The following PSMG2 variants were observed in gnomAD, a reference collection of about 807,000 sequenced individuals.
The protein encoded by PSMG2 is proteasome assembly chaperone 2, also known as CD40 ligand-activated specific transcript 3.
PSMG2 carries 21 observed loss-of-function variants against 31.5 expected under a neutral mutation model. The observed-to-expected ratio is 0.67, with a 90% CI of 0.47 to 0.96. The LOEUF (loss-of-function observed/expected upper bound fraction) is 0.96. Among genes scored for constraint, PSMG2 ranks in the 40% least tolerant of loss-of-function variants. PSMG2 has a pLI of 0.00. For synonymous variants in PSMG2, 120 were observed against 110.4 expected (o/e 1.09, Z -0.54); for missense variants, 318 against 321.2 (o/e 0.99, Z 0.08).
Position 12,669,342 on chromosome 18 carries a change from C to T in PSMG2, c.-37+10569C>T, listed in dbSNP as rs185088696. Reference sequence around the variant, plus strand: ...GGTCAGGCTGGTCTCGAACTCCTGACCTCAGGTGATCCGCCCGCCTTGGCC... The same window carrying T: ...GGTCAGGCTGGTCTCGAACTCCTGATCTCAGGTGATCCGCCCGCCTTGGCC... On this transcript the variant is annotated intron_variant, in intron 1 of 6. Coordinates refer to the PSMG2 transcript ENST00000585331. Among the ~76,000 whole-genome samples, 700 of 152,010 alleles carry T rather than the reference C, an allele frequency of 4.6e-3. 5 individuals carry two copies. The highest frequency in any genetic ancestry group is 0.016 in the African/African-American group (662 of 41,486).
upstream of PSMG2, chr18:12,702,497 G>A: frequency 6.2e-7 from 1 of 1,609,682 alleles, no homozygotes; most frequent in Non-Finnish European, 8.5e-7. Context: ...TTGCTCAGCT[G>A]CTGGTGGATG....
chr18:12,692,350 A>G (rs1035590931), intron 1 of PSMG2: 1 of 151,740 alleles, frequency 6.6e-6, no homozygotes, highest in Admixed American at 6.6e-5. Context: ...TTCTCTTGTT[A>G]AAACACTTCA....
intron 1 of PSMG2, among the ~76,000 whole-genome samples, chr18:12,705,570 AGAGAGAGT>A (rs1338907626): frequency 6.3e-4 from 79 of 126,322 alleles, no homozygotes; most frequent in Non-Finnish European, 8.1e-4. Flanking sequence ...AGAGAGAGAG[AGAGAGAGT>A]GTGTGTGTGT....
chr18:12,695,861 C>A (rs908346410), intron 1 of PSMG2, among the ~76,000 whole-genome samples: 9 of 147,774 alleles, frequency 6.1e-5, no homozygotes, highest in Non-Finnish European at 8.9e-5. Flanking sequence ...TCCACACACA[C>A]ACACACACAC....
chr18:12,705,186 TC>T (rs923068322), intron 1 of PSMG2, among the ~76,000 whole-genome samples: 6 of 152,160 alleles, frequency 3.9e-5, no homozygotes, highest in African/African-American at 1.4e-4. Context: ...TGCCTCTGCC[TC>T]CCGAGTAGCT....
At chr18:12,699,838 A>G, upstream of PSMG2, 3 of 1,555,190 alleles carry the variant, frequency 1.9e-6, no homozygotes, top group Non-Finnish European at 2.6e-6. Flanking sequence ...ACTTTTTTTT[A>G]ATGTCGATTG....
chr18:12,707,056 C>G (rs1055693429), intron 2 of PSMG2, among the ~76,000 whole-genome samples: 1 of 152,116 alleles, frequency 6.6e-6, no homozygotes, highest in Non-Finnish European at 1.5e-5. Context: ...CCCGGGTTCA[C>G]GCCATTCTCC....
intron 1 of PSMG2, among the ~76,000 whole-genome samples, chr18:12,664,352 G>A (rs140808797): frequency 5.3e-4 from 80 of 151,988 alleles, no homozygotes; most frequent in African/African-American, 1.9e-3. Flanking sequence ...GACCATCCTG[G>A]CTAACACGGT....
rs538713825 is a variant in PSMG2 at position 12,716,376 on chromosome 18, G to A, written c.289-2141G>A. 1.7e-3 allele frequency among the ~76,000 whole-genome samples: 263 copies of A among 151,402 alleles called. 1 individual carries two copies. Among genetic ancestry groups the A allele is most frequent in the African/African-American group, 5.8e-3 (240 of 41,250 alleles). ...GTATAATATAAATTTTTGGCAGCTG[G>A]AAGTAAAGAGTGAATTTTTTTTTTT... On this transcript the variant is annotated intron_variant, in intron 3 of 6. Coordinates refer to ENST00000317615, the MANE Select transcript of PSMG2 (RefSeq NM_020232.5).
At chr18:12,673,401 C>A in intron 1 of PSMG2, 1 of 1,606,770 alleles carries the variant, frequency 6.2e-7, no homozygotes, top group Non-Finnish European at 8.5e-7. Flanking sequence ...CAAACATGAT[C>A]CAAACAGCAC....
intron 5 of PSMG2, among the ~76,000 whole-genome samples, chr18:12,721,006 C>T (rs974213941): frequency 1.3e-5 from 2 of 152,044 alleles, no homozygotes; most frequent in African/African-American, 2.4e-5. Context: ...TGGTAAAAAC[C>T]TGTATCTACT....
chr18:12,712,842 T>TA lies in PSMG2; in HGVS notation c.288+83dup, dbSNP rs2040344012. On this transcript the variant is annotated intron_variant, in intron 3 of 6. Coordinates refer to ENST00000317615, the MANE Select transcript of PSMG2 (RefSeq NM_020232.5). Reference sequence around the variant, plus strand: ...ACATTAGGGATTAAGATTCAAAAATTACTACTGTTTTTACCATATGTACAG... The same window carrying TA: ...ACATTAGGGATTAAGATTCAAAAATTAACTACTGTTTTTACCATATGTACAG... 23 of 1,089,654 alleles carry TA rather than the reference T, an allele frequency of 2.1e-5. 1 individual carries two copies. The Middle Eastern group carries it at 2.1e-3, about 98-fold the overall frequency. The allele number at this position is 1,089,654 out of a possible 1,614,324, so 67.5% of individuals were successfully genotyped here.
rs2040214615 is a variant in PSMG2 at position 12,703,111 on chromosome 18, T to C, written c.4T>C (p.Phe2Leu). The C allele has an allele frequency of 6.2e-7, 1 of 1,612,530 alleles. No individual in the cohort carries two copies. Among genetic ancestry groups the C allele is most frequent in the Non-Finnish European group, 8.5e-7 (1 of 1,179,600 alleles). M[F>L]VPCGESAPDL... is the part of the protein sequence containing the mutation. Reference sequence around the variant, plus strand: ...TGCTGGCCACCCCACTGCGACCATGTTCGTTCCCTGCGGGGAGTCGGCCCC... The same window carrying C: ...TGCTGGCCACCCCACTGCGACCATGCTCGTTCCCTGCGGGGAGTCGGCCCC... The change falls in exon 1 of 7, where the codon TTC becomes CTC. Residue 2 changes from phenylalanine (F) to leucine (L), a missense_variant. Physicochemically the swap from Phe to Leu is conservative, Grantham distance 22. Transcript: ENST00000317615.
chr18:12,688,025 C>T (rs1199310456), intron 1 of PSMG2, among the ~76,000 whole-genome samples: 10 of 151,592 alleles, frequency 6.6e-5, no homozygotes, highest in African/African-American at 1.2e-4. Flanking sequence ...GGGTGGATCA[C>T]GAGGTCAGGA....
At chr18:12,678,154 A>T (rs1172788781) in intron 1 of PSMG2, 1 of 1,613,870 alleles carries the variant, frequency 6.2e-7, no homozygotes, top group African/African-American at 1.3e-5. Flanking sequence ...TTTCAATTTC[A>T]TTACTTGTTA....
chr18:12,658,842 G>T (rs765348961), intron 1 of PSMG2: 8 of 320,092 alleles, frequency 2.5e-5, no homozygotes, highest in African/African-American at 4.4e-5. Context: ...CTAAACCAGC[G>T]CCTGGAATAT....
intron 1 of PSMG2, among the ~76,000 whole-genome samples, chr18:12,688,164 G>C (rs2039613350): frequency 6.7e-6 from 1 of 150,212 alleles, no homozygotes; most frequent in Admixed American, 6.7e-5. Context: ...CTGGGAGGCG[G>C]AGCTTGCAGT....
At chr18:12,664,078 C>T (rs546101508) in intron 1 of PSMG2, among the ~76,000 whole-genome samples, 16 of 151,960 alleles carry the variant, frequency 1.1e-4, no homozygotes, top group Non-Finnish European at 1.8e-4. Context: ...GCAAGAGAAT[C>T]GCTTGAACCC....
chr18:12,681,055 C>T (rs1006476182), intron 1 of PSMG2, among the ~76,000 whole-genome samples: 9 of 151,808 alleles, frequency 5.9e-5, no homozygotes, highest in Admixed American at 4.6e-4. Context: ...AAAAATTAGC[C>T]GGGTGTGGTA....
Sources: gnomAD v4.1 joint callset for allele counts (sites outside exome capture counted in the v4.1 genomes callset) on GRCh38, gnomAD v4.1.1 for gene constraint, MANE v1.5 for transcripts, NCBI Gene and HGNC (gene_info 2026-07-23, HGNC 2026-07-21) for gene names.